MACROD2: variants seen among roughly 807,000 people sequenced by gnomAD.
The protein encoded by MACROD2 is mono-ADP ribosylhydrolase 2.
Under a neutral mutation model 70.4 loss-of-function variants are expected in MACROD2, and 36 were observed. That is an observed-to-expected ratio of 0.51 (90% CI 0.39 to 0.68). The LOEUF is 0.68. MACROD2 is among the 30% of genes least tolerant of loss of function. The pLI is 0.00. For missense variants in MACROD2, 496 were observed against 538.4 expected, an observed-to-expected ratio of 0.92 and a Z score of 0.78; for synonymous variants, 172 against 178.8, an observed-to-expected ratio of 0.96 and a Z score of 0.30.
intron 5 of MACROD2, among the ~76,000 whole-genome samples, chr20:14,991,686 A>C (rs1351592413): frequency 1.3e-5 from 2 of 152,206 alleles, no homozygotes; most frequent in Non-Finnish European, 2.9e-5. Context: ...ATTCCCTTTC[A>C]AAATAGATCT....
intron 3 of MACROD2, among the ~76,000 whole-genome samples, chr20:14,090,778 G>A (rs1475098219): frequency 6.6e-6 from 1 of 152,214 alleles, no homozygotes; most frequent in Non-Finnish European, 1.5e-5. Flanking sequence ...ATACCTAGAA[G>A]TAGAATCAAC....
chr20:14,810,423 A>G (rs906181865), intron 5 of MACROD2, among the ~76,000 whole-genome samples: 7 of 152,152 alleles, frequency 4.6e-5, no homozygotes, highest in African/African-American at 1.2e-4. Flanking sequence ...TAAACTAGAT[A>G]TTGATGGAAT....
chr20:15,980,281 T>G (rs1465101044), intron 13 of MACROD2, among the ~76,000 whole-genome samples: 1 of 152,226 alleles, frequency 6.6e-6, no homozygotes, highest in African/African-American at 2.4e-5. Context: ...TTCCTTGTTT[T>G]TTTCTTAAAA....
intron 5 of MACROD2, among the ~76,000 whole-genome samples, chr20:15,140,666 G>T (rs1364483994): frequency 6.6e-6 from 1 of 152,106 alleles, no homozygotes; most frequent in East Asian, 1.9e-4. Flanking sequence ...GCTGGCAATA[G>T]CTGGCTGGAA....
At chr20:14,480,178 T>A (rs1306921222) in intron 3 of MACROD2, among the ~76,000 whole-genome samples, 1 of 152,198 alleles carries the variant, frequency 6.6e-6, no homozygotes, top group Non-Finnish European at 1.5e-5. Flanking sequence ...GGCCTATAGT[T>A]ATATAATTTA....
chr20:15,042,901 C>T (rs1018289495), intron 5 of MACROD2, among the ~76,000 whole-genome samples: 4 of 152,158 alleles, frequency 2.6e-5, no homozygotes, highest in Non-Finnish European at 5.9e-5. Context: ...ACACTGTTTC[C>T]TTTTTGAGTC....
intron 3 of MACROD2, among the ~76,000 whole-genome samples, chr20:14,309,518 C>T (rs1273266161): frequency 6.6e-6 from 1 of 152,076 alleles, no homozygotes; most frequent in Non-Finnish European, 1.5e-5. Context: ...TGTGCCTGTT[C>T]CCTCGGGTGA....
chr20:15,629,661 TGGGAA>T, intron 8 of MACROD2, among the ~76,000 whole-genome samples: 1 of 152,324 alleles, frequency 6.6e-6, no homozygotes, highest in East Asian at 1.9e-4. Flanking sequence ...GCATTACATG[TGGGAA>T]ATATACTTCC....
At chr20:15,906,991 G>T (rs2065157334) in intron 10 of MACROD2, among the ~76,000 whole-genome samples, 1 of 152,192 alleles carries the variant, frequency 6.6e-6, no homozygotes, top group Admixed American at 6.5e-5. Context: ...TACCCCTTGT[G>T]GGAAGGCACA....
intron 5 of MACROD2, among the ~76,000 whole-genome samples, chr20:15,009,044 T>C (rs576109897): frequency 2.6e-5 from 4 of 152,218 alleles, no homozygotes; most frequent in Admixed American, 6.5e-5. Flanking sequence ...ATGGTGGACT[T>C]TGATTAAACA....
chr20:14,540,370 G>T (rs1230936099), intron 4 of MACROD2, among the ~76,000 whole-genome samples: 1 of 152,088 alleles, frequency 6.6e-6, no homozygotes, highest in East Asian at 1.9e-4. Flanking sequence ...GACTTTGCAG[G>T]CAGTCAAACA....
At chr20:15,684,391 C>T (rs2146864706) in intron 8 of MACROD2, among the ~76,000 whole-genome samples, 1 of 152,320 alleles carries the variant, frequency 6.6e-6, no homozygotes, top group Non-Finnish European at 1.5e-5. Flanking sequence ...CCCAGAGGCT[C>T]TTTCAAATTG....
chr20:15,599,947 C>A (rs2048797066), intron 8 of MACROD2, among the ~76,000 whole-genome samples: 1 of 152,076 alleles, frequency 6.6e-6, no homozygotes, highest in South Asian at 2.1e-4. Context: ...CCTTTGGCTG[C>A]CAACTCTAGG....
At chr20:15,498,883 G>A (rs2047330719) in intron 7 of MACROD2, among the ~76,000 whole-genome samples, 1 of 152,218 alleles carries the variant, frequency 6.6e-6, no homozygotes, top group African/African-American at 2.4e-5. Context: ...ACACTAGAGA[G>A]CTTGAAGATA....
intron 3 of MACROD2, among the ~76,000 whole-genome samples, chr20:14,366,554 A>G (rs933848254): frequency 6.6e-6 from 1 of 151,848 alleles, no homozygotes; most frequent in Admixed American, 6.6e-5. Flanking sequence ...TTTAGTAGAG[A>G]TGGGGTTTCA....
At chr20:14,124,394 C>T (rs1472654859) in intron 3 of MACROD2, among the ~76,000 whole-genome samples, 10 of 152,160 alleles carry the variant, frequency 6.6e-5, no homozygotes, top group Admixed American at 6.5e-4. Context: ...GTTCCTCTTT[C>T]ACCTCCTATG....
intron 5 of MACROD2, among the ~76,000 whole-genome samples, chr20:15,031,342 G>T (rs970297559): frequency 6.6e-6 from 1 of 152,192 alleles, no homozygotes; most frequent in East Asian, 1.9e-4. Flanking sequence ...GCAAGCGAGG[G>T]GTTGTGTTTC....
At chr20:14,492,058 G>T (rs2084801292) in intron 3 of MACROD2, among the ~76,000 whole-genome samples, 1 of 152,170 alleles carries the variant, frequency 6.6e-6, no homozygotes, top group Non-Finnish European at 1.5e-5. Flanking sequence ...AATTCTCGAA[G>T]TCTGTCCTCA....
rs1388842581 is a variant in MACROD2 at position 14,230,669 on chromosome 20, C to CCATATATATATATATATATA, written c.271+144941_271+144942insCATATATATATATATATATA. Among the ~76,000 whole-genome samples the CCATATATATATATATATATA allele has an allele frequency of 1.7e-3, 160 of 92,854 alleles. 9 individuals carry two copies. The highest frequency in any genetic ancestry group is 2.1e-3 in the Non-Finnish European group (110 of 51,700). The allele number at this position is 92,854 out of a possible 152,430, so 60.9% of individuals were successfully genotyped here. ...TATATATATATAACACAGGCTGGGCCTATATATATATATATATATATATAT... is the reference window on the plus strand; with the variant it reads ...TATATATATATAACACAGGCTGGGCCCATATATATATATATATATATATATATATATATATATATATATAT... On this transcript the variant is annotated intron_variant, in intron 3 of 17. Transcript: ENST00000684519.
Sources: allele counts gnomAD v4.1 joint callset (sites outside exome capture counted in the v4.1 genomes callset), GRCh38; gene constraint gnomAD v4.1.1; transcripts MANE v1.5; gene names NCBI Gene and HGNC (gene_info 2026-07-23, HGNC 2026-07-21).